TJP1: variants seen among roughly 807,000 people sequenced by gnomAD.
TJP1 encodes tight junction protein ZO-1.
Under a neutral mutation model 194.2 loss-of-function variants are expected in TJP1, and 43 were observed. That is an observed-to-expected ratio of 0.22 (90% confidence interval 0.17 to 0.29). The LOEUF is 0.29. TJP1 is among the 10% of genes least tolerant of loss of function. TJP1 has a pLI of 1.00. For missense variants in TJP1, 1,971 were observed against 2,185.7 expected (o/e 0.90, Z 1.96); for synonymous variants, 801 against 779.0 (o/e 1.03, Z -0.47).
intron 2 of TJP1, among the ~76,000 whole-genome samples, chr15:29,794,765 A>G (rs1330897233): frequency 6.6e-6 from 1 of 152,214 alleles, no homozygotes; most frequent in Non-Finnish European, 1.5e-5. Flanking sequence ...ATGTGGTAAT[A>G]GCAAATTGCA....
chr15:29,822,097 C>T lies in TJP1; in HGVS notation c.-69G>A. 8.1e-7 allele frequency: 1 copy of T among 1,238,996 alleles called. No individual in the cohort carries two copies. The highest frequency in any genetic ancestry group is 1.6e-5 in the African/African-American group (1 of 64,058). The allele number at this position is 1,238,996 out of a possible 1,614,324, so 76.8% of individuals were successfully genotyped here. On this transcript the variant is annotated 5_prime_UTR_variant, in exon 1 of 28. Transcript: ENST00000614355. ...CTCCGCGGCGCTGGCCCGCCCGCTC[C>T]TCACGCCACAGCCCAAATAAACATC... is the stretch of plus-strand genomic sequence containing the variant.
chr15:29,951,499 T>A (rs2055751563), intron 2 of TJP1, among the ~76,000 whole-genome samples: 3 of 151,962 alleles, frequency 2.0e-5, no homozygotes, highest in Non-Finnish European at 4.4e-5. Context: ...GAAAGAAGTG[T>A]CTTTTCAAAT....
intron 2 of TJP1, among the ~76,000 whole-genome samples, chr15:29,873,752 G>T (rs1596155329): frequency 6.6e-6 from 1 of 152,136 alleles, no homozygotes; most frequent in Non-Finnish European, 1.5e-5. Context: ...TCTTAGGGGA[G>T]ACTTGAGACT....
At chr15:29,928,754 T>C (rs2054606340) in intron 2 of TJP1, among the ~76,000 whole-genome samples, 1 of 152,012 alleles carries the variant, frequency 6.6e-6, no homozygotes, top group Admixed American at 6.6e-5. Flanking sequence ...CCATCCTGGC[T>C]AACACGGTGA....
chr15:29,908,855 C>T (rs554089091), intron 2 of TJP1, among the ~76,000 whole-genome samples: 3 of 152,136 alleles, frequency 2.0e-5, no homozygotes, highest in South Asian at 4.2e-4. Flanking sequence ...CCCATCCCTA[C>T]TAAATATAGA....
intron 8 of TJP1, among the ~76,000 whole-genome samples, chr15:29,747,658 CTTCT>C (rs1455963694): frequency 1.3e-5 from 2 of 152,232 alleles, no homozygotes; most frequent in East Asian, 3.9e-4. Context: ...AATTAATTTT[CTTCT>C]TTCTTGTAAC....
intron 2 of TJP1, among the ~76,000 whole-genome samples, chr15:29,895,076 A>T (rs2053435201): frequency 6.6e-6 from 1 of 152,178 alleles, no homozygotes; most frequent in Non-Finnish European, 1.5e-5. Flanking sequence ...TGACAGTGGT[A>T]GCCCCAATAA....
At chr15:29,744,450 T>C (rs750721689) in intron 8 of TJP1, among the ~76,000 whole-genome samples, 2 of 152,008 alleles carry the variant, frequency 1.3e-5, no homozygotes, top group Non-Finnish European at 2.9e-5. Flanking sequence ...AGAAACAAAA[T>C]AAAACTAAAT....
chr15:29,885,734 C>T (rs1486556760), intron 2 of TJP1, among the ~76,000 whole-genome samples: 2 of 152,190 alleles, frequency 1.3e-5, no homozygotes, highest in African/African-American at 2.4e-5. Context: ...AATAGAAAAG[C>T]CTCTATTTCA....
chr15:29,718,098 T>C lies in TJP1; in HGVS notation c.3897A>G (p.Lys1299=), dbSNP rs562378545. ...GSFKPPEVAS[K]PSGAPIIGPK... ...GACCAATGATGGGAGCACCTGAAGG[T>C]TTAGATGCTACTTCTGGAGGCTGTT... The change falls in exon 22 of 28, where the codon AAA becomes AAG. Residue 1299 remains lysine, a synonymous_variant. Coordinates refer to ENST00000614355, the MANE Select transcript of TJP1 (RefSeq NM_001330239.4). 4 of 1,607,798 alleles carry C rather than the reference T, an allele frequency of 2.5e-6. No individual in the cohort carries two copies. The highest frequency in any genetic ancestry group is 3.4e-5 in the Admixed American group (2 of 59,084).
chr15:29,949,541 A>G (rs866608074), intron 2 of TJP1, among the ~76,000 whole-genome samples: 2 of 94,838 alleles, frequency 2.1e-5, no homozygotes, highest in Non-Finnish European at 2.3e-5. Flanking sequence ...CTCCACCACC[A>G]CCACCTCCAC....
intron 2 of TJP1, among the ~76,000 whole-genome samples, chr15:29,951,657 A>G (rs749897742): frequency 6.6e-6 from 1 of 152,190 alleles, no homozygotes; most frequent in Non-Finnish European, 1.5e-5. Context: ...AAACTCCTCT[A>G]AAGTTTTTGA....
At chr15:29,743,899 G>A (rs1023008354) in intron 8 of TJP1, among the ~76,000 whole-genome samples, 11 of 152,016 alleles carry the variant, frequency 7.2e-5, no homozygotes, top group Non-Finnish European at 1.5e-4. Flanking sequence ...CTGTATTATC[G>A]GCCGGGCACA....
intron 2 of TJP1, among the ~76,000 whole-genome samples, chr15:29,829,345 T>C (rs1036098695): frequency 5.3e-5 from 8 of 152,182 alleles, no homozygotes; most frequent in African/African-American, 1.9e-4. Context: ...GAAAACTATT[T>C]TGGACATGTT....
At position 29,733,235 on chromosome 15, in the gene TJP1, G is replaced by A. The variant is rs755260731; in HGVS notation, c.1595C>T (p.Pro532Leu). 9.3e-6 allele frequency: 15 copies of A among 1,613,810 alleles called. No individual in the cohort carries two copies. In the Admixed American group the frequency reaches 2.3e-4, roughly 25 times the overall value. ...RTHFEYEKES[P>L]YGLSFNKGEV... ...TCCTTTGTTAAAACTAAGTCCATAG[G>A]GAGATTCCTTTTCATATTCAAAATG... Residue 532 changes from proline to leucine, a missense_variant, in exon 13 of 28, where the codon CCC (proline) becomes CTC (leucine). Around this residue, in one of 5 missense-constraint regions of TJP1, gnomAD observed 402 missense variants for 484.2 expected, o/e 0.83. Coordinates refer to ENST00000614355, the MANE Select transcript of TJP1 (RefSeq NM_001330239.4).
At chr15:29,787,483 T>C (rs1327943480) in intron 2 of TJP1, among the ~76,000 whole-genome samples, 1 of 152,032 alleles carries the variant, frequency 6.6e-6, no homozygotes, top group Non-Finnish European at 1.5e-5. Context: ...TTCACCACCC[T>C]AAAAAGAAAC....
At chr15:29,723,779 T>C (rs1009410684) in intron 18 of TJP1, among the ~76,000 whole-genome samples, 1 of 152,214 alleles carries the variant, frequency 6.6e-6, no homozygotes, top group African/African-American at 2.4e-5. Flanking sequence ...ATAGTTTATG[T>C]TGATTATCTT....
At chr15:29,744,973 G>A (rs1448504484) in intron 8 of TJP1, among the ~76,000 whole-genome samples, 1 of 152,020 alleles carries the variant, frequency 6.6e-6, no homozygotes, top group East Asian at 1.9e-4. Flanking sequence ...TTATTTCAAG[G>A]GTGCAAGATT....
chr15:29,938,553 CTT>C (rs2054958614), intron 2 of TJP1, among the ~76,000 whole-genome samples: 2 of 152,232 alleles, frequency 1.3e-5, no homozygotes, highest in Non-Finnish European at 1.5e-5. Flanking sequence ...CACGGAAGTC[CTT>C]ATAAAACAGA....
Sources: gnomAD v4.1 joint callset for allele counts (sites outside exome capture counted in the v4.1 genomes callset) on GRCh38, gnomAD v4.1.1 for gene constraint, gnomAD v4.1.1 regional missense constraint, MANE v1.5 for transcripts, NCBI Gene and HGNC (gene_info 2026-07-23, HGNC 2026-07-21) for gene names.